Variants in RGS7 observed in about 807,000 individuals in gnomAD.
RGS7 encodes the protein regulator of G protein signaling 7, also known as regulator of G-protein signaling 7.
A neutral mutation model predicts 81.1 loss-of-function variants in RGS7; 27 were observed. That is an observed-to-expected ratio of 0.33 (90% CI 0.25 to 0.46). The LOEUF is 0.46. RGS7 is among the 20% of genes least tolerant of loss of function. The pLI, the probability that RGS7 is intolerant of heterozygous loss-of-function variation, is 1.00. For missense variants in RGS7, 396 were observed against 607.4 expected, an observed-to-expected ratio of 0.65 and a Z score of 3.66; for synonymous variants, 208 against 207.7, an observed-to-expected ratio of 1.00 and a Z score of -0.01.
intron 2 of RGS7, among the ~76,000 whole-genome samples, chr1:241,106,752 C>CCACCACACACACA (rs1553421291): frequency 4.9e-5 from 6 of 121,682 alleles, no homozygotes; most frequent in African/African-American, 1.6e-4. Flanking sequence ...AACACCACCA[C>CCACCACACACACA]CACACACACA....
At chr1:241,326,539 CATT>C (rs1558319593) in intron 2 of RGS7, among the ~76,000 whole-genome samples, 1 of 152,098 alleles carries the variant, frequency 6.6e-6, no homozygotes, top group Admixed American at 6.6e-5. Flanking sequence ...TATTTACCTA[CATT>C]ATTATTTGCC....
At chr1:241,030,878 G>A (rs10926399) in intron 3 of RGS7, among the ~76,000 whole-genome samples, 29,621 of 152,108 alleles carry the variant, frequency 0.19, 3,964 homozygotes, top group African/African-American at 0.37. Context: ...AGGCTCAACT[G>A]GGCCAGTCCA....
At chr1:240,792,247 A>C (rs1366701088) in intron 18 of RGS7, among the ~76,000 whole-genome samples, 2 of 152,178 alleles carry the variant, frequency 1.3e-5, no homozygotes, top group East Asian at 1.9e-4. Flanking sequence ...TGTTCTAAAA[A>C]GTTTATTGGT....
At chr1:241,089,063 C>CTCTCTCTCTATATATATA (rs1374552672) in intron 3 of RGS7, among the ~76,000 whole-genome samples, 3 of 23,684 alleles carry the variant, frequency 1.3e-4, no homozygotes, top group African/African-American at 4.6e-4. Context: ...CTCTCTCTCT[C>CTCTCTCTCTATATATATA]TATATATATA....
chr1:241,253,556 A>G (rs184769565), intron 2 of RGS7, among the ~76,000 whole-genome samples: 31 of 152,312 alleles, frequency 2.0e-4, no homozygotes, highest in African/African-American at 6.7e-4. Context: ...TGCAAGAGGC[A>G]ACGATGAAAT....
intron 18 of RGS7, among the ~76,000 whole-genome samples, chr1:240,783,949 G>A (rs1684566148): frequency 6.6e-6 from 1 of 151,372 alleles, no homozygotes; most frequent in African/African-American, 2.4e-5. Flanking sequence ...GCCGAGGTGG[G>A]CGGATCACCT....
chr1:240,911,904 G>A (rs1671812934), intron 6 of RGS7, among the ~76,000 whole-genome samples: 1 of 151,856 alleles, frequency 6.6e-6, no homozygotes, highest in Non-Finnish European at 1.5e-5. Flanking sequence ...CACTTTGGGA[G>A]GCTGAGGTGG....
intron 10 of RGS7, among the ~76,000 whole-genome samples, chr1:240,825,082 A>G (rs1692570958): frequency 6.6e-6 from 1 of 152,172 alleles, no homozygotes; most frequent in Admixed American, 6.5e-5. Context: ...GCCCCGGCAG[A>G]CTACATGAAG....
At chr1:240,942,208 A>G (rs1006537886) in intron 4 of RGS7, among the ~76,000 whole-genome samples, 1 of 152,222 alleles carries the variant, frequency 6.6e-6, no homozygotes, top group Non-Finnish European at 1.5e-5. Flanking sequence ...GCTTTTGACC[A>G]CAACGATTTC....
chr1:240,985,208 C>A (rs946955438), intron 3 of RGS7, among the ~76,000 whole-genome samples: 2 of 152,214 alleles, frequency 1.3e-5, no homozygotes, highest in African/African-American at 4.8e-5. Context: ...TGTCGATTCC[C>A]AGATACACAA....
chr1:240,807,303 C>A (rs765075188), intron 14 of RGS7, among the ~76,000 whole-genome samples: 120 of 152,158 alleles, frequency 7.9e-4, no homozygotes, highest in Admixed American at 1.2e-3. Context: ...TTAATAGAAA[C>A]AAACACTCTA....
chr1:241,333,431 TAAG>T (rs1343231476), intron 2 of RGS7, among the ~76,000 whole-genome samples: 1 of 152,238 alleles, frequency 6.6e-6, no homozygotes, highest in Non-Finnish European at 1.5e-5. Context: ...GCCAGGCGGA[TAAG>T]AAGAGACTTC....
intron 4 of RGS7, among the ~76,000 whole-genome samples, chr1:240,971,708 A>G (rs917026245): frequency 3.4e-4 from 51 of 152,226 alleles, no homozygotes; most frequent in Non-Finnish European, 6.8e-4. Context: ...TAATGGCTCC[A>G]AACTATGACT....
At chr1:241,060,291 G>A (rs547987779) in intron 3 of RGS7, among the ~76,000 whole-genome samples, 51 of 152,228 alleles carry the variant, frequency 3.4e-4, no homozygotes, top group African/African-American at 1.1e-3. Context: ...AAAACAACAC[G>A]TTAAACAAGC....
At chr1:241,140,153 G>A (rs1421203165) in intron 2 of RGS7, among the ~76,000 whole-genome samples, 1 of 152,172 alleles carries the variant, frequency 6.6e-6, no homozygotes, top group Admixed American at 6.5e-5. Flanking sequence ...GGCAGGTAGA[G>A]AGCAACATTG....
At chr1:240,911,205 A>G (rs1242548540) in intron 6 of RGS7, among the ~76,000 whole-genome samples, 1 of 151,996 alleles carries the variant, frequency 6.6e-6, no homozygotes. Context: ...CATCATTTAC[A>G]TCTTGCAGGG....
intron 2 of RGS7, among the ~76,000 whole-genome samples, chr1:241,235,967 A>C (rs1001077504): frequency 7.4e-5 from 11 of 149,438 alleles, no homozygotes; most frequent in Non-Finnish European, 1.3e-4. Context: ...GGAGAGAGTA[A>C]GAGTTAGCTC....
chr1:240,780,760 A>G (rs1572043033), intron 18 of RGS7, among the ~76,000 whole-genome samples: 1 of 151,834 alleles, frequency 6.6e-6, no homozygotes, highest in South Asian at 2.1e-4. Context: ...CTAAAAATAC[A>G]AAAATTAGCT....
rs142003595 is a variant in RGS7 at position 240,900,366 on chromosome 1, C to T, written c.386-30247G>A. Among the ~76,000 whole-genome samples, 351 of 152,292 alleles carry T rather than the reference C, an allele frequency of 2.3e-3. 1 individual carries two copies. Among genetic ancestry groups the T allele is most frequent in the African/African-American group, 8.0e-3 (333 of 41,564 alleles). Reference sequence around the variant, plus strand: ...CTGCATTCCTTTGGAGGAGAAGAGGCACTCTGATTTTTAGAATTTTCAGCT... The same window carrying T: ...CTGCATTCCTTTGGAGGAGAAGAGGTACTCTGATTTTTAGAATTTTCAGCT... On this transcript the variant is annotated intron_variant, in intron 6 of 18. Transcript: ENST00000440928.
Sources: gnomAD v4.1 joint callset for allele counts (sites outside exome capture counted in the v4.1 genomes callset) on GRCh38, gnomAD v4.1.1 for gene constraint, MANE v1.5 for transcripts, NCBI Gene and HGNC (gene_info 2026-07-23, HGNC 2026-07-21) for gene names.